CDH19: variants seen among roughly 807,000 people sequenced by gnomAD.
CDH19 encodes the protein cadherin-19.
CDH19 carries 67 observed loss-of-function variants against 64.2 expected under a neutral mutation model. The ratio of observed to expected loss-of-function variants is 1.04; its 90% CI spans 0.86 to 1.28. The LOEUF (loss-of-function observed/expected upper bound fraction) is 1.28. Among genes scored for constraint, CDH19 ranks in the 50% most tolerant of loss-of-function variants. CDH19 has a pLI of 0.00. For synonymous variants in CDH19, 346 were observed against 319.3 expected (o/e 1.08, Z -0.89); for missense variants, 1,030 against 929.0 (o/e 1.11, Z -1.41).
chr18:66,514,562 G>A (rs1985648600), intron 9 of CDH19, among the ~76,000 whole-genome samples: 1 of 151,118 alleles, frequency 6.6e-6, no homozygotes, highest in Admixed American at 6.6e-5. Flanking sequence ...TCATACATTA[G>A]GTATAAATGT....
At chr18:66,568,315 C>T in intron 3 of CDH19, 101 bp downstream of exon 3, 1 of 863,100 alleles carries the variant, frequency 1.2e-6, no homozygotes, top group Non-Finnish European at 1.8e-6. Context: ...GAAGGAAGTT[C>T]TAGTATAGAC....
intron 7 of CDH19, 84 bp downstream of exon 7, chr18:66,543,887 A>G: frequency 1.0e-6 from 1 of 1,004,186 alleles, no homozygotes; most frequent in Non-Finnish European, 1.4e-6. Flanking sequence ...CCTCTCAATT[A>G]AAAAAAAGAT....
chr18:66,558,995 C>G (rs1359145121), intron 3 of CDH19, among the ~76,000 whole-genome samples: 1 of 151,940 alleles, frequency 6.6e-6, no homozygotes, highest in Non-Finnish European at 1.5e-5. Flanking sequence ...TTATTGTTTA[C>G]TGTCAGAATC....
intron 9 of CDH19, among the ~76,000 whole-genome samples, chr18:66,514,366 T>A (rs896471598): frequency 6.6e-6 from 1 of 151,486 alleles, no homozygotes; most frequent in Admixed American, 6.6e-5. Flanking sequence ...TATAATTTTG[T>A]AGAATAAGGA....
At chr18:66,511,845 T>C (rs1985507517) in intron 9 of CDH19, among the ~76,000 whole-genome samples, 160 bp from the exon 10 acceptor site, 1 of 151,494 alleles carries the variant, frequency 6.6e-6, no homozygotes, top group African/African-American at 2.4e-5. Context: ...AAATGTTTTT[T>C]CTCAGGTTAA....
intron 9 of CDH19, among the ~76,000 whole-genome samples, chr18:66,528,340 GT>G (rs1356758650): frequency 6.6e-6 from 1 of 152,012 alleles, no homozygotes; most frequent in Admixed American, 6.6e-5. Flanking sequence ...CGTTCATTCT[GT>G]TTTTGTGATC....
intron 10 of CDH19, among the ~76,000 whole-genome samples, chr18:66,509,542 A>C (rs1336670145): frequency 6.6e-6 from 1 of 151,810 alleles, no homozygotes; most frequent in East Asian, 1.9e-4. Context: ...AAGTATTTAT[A>C]TTATTATTGA....
In CDH19 at chr18:66,597,162, T is replaced by TAAAAAAAAA. The variant is rs71169160; in HGVS notation, c.-113+6783_-113+6791dup. On this transcript the variant is annotated intron_variant, in intron 1 of 11. Coordinates refer to ENST00000262150, the MANE Select transcript of CDH19 (RefSeq NM_021153.4). The stretch of plus-strand genomic sequence containing the variant: ...CCAAAGAGCCAAAGCAATCTTAAGT[T>TAAAAAAAAA]AAAAAAAAAAAAAAAAAGCTGGAAG... Among the ~76,000 whole-genome samples the TAAAAAAAAA allele has an allele frequency of 2.0e-4, 17 of 86,290 alleles. 1 individual carries two copies. Among genetic ancestry groups the TAAAAAAAAA allele is most frequent in the Non-Finnish European group, 3.0e-4 (12 of 39,626 alleles). The allele number at this position is 86,290 out of a possible 152,430, so 56.6% of individuals were successfully genotyped here.
intron 5 of CDH19, among the ~76,000 whole-genome samples, chr18:66,546,131 C>T (rs952440978): frequency 9.9e-5 from 15 of 151,980 alleles, no homozygotes; most frequent in African/African-American, 3.6e-4. Flanking sequence ...AAAAGAAGCA[C>T]ATATAATAAA....
intron 2 of CDH19, among the ~76,000 whole-genome samples, chr18:66,571,290 A>G (rs1988094197): frequency 1.3e-5 from 2 of 151,608 alleles, no homozygotes; most frequent in Non-Finnish European, 2.9e-5. Context: ...GAGAGTTAAT[A>G]AATTTTGAGT....
chr18:66,540,975 T>C (rs1489674591), intron 7 of CDH19, among the ~76,000 whole-genome samples: 1 of 152,288 alleles, frequency 6.6e-6, no homozygotes, highest in African/African-American at 2.4e-5. Flanking sequence ...CAAGGCTCCT[T>C]AAAACAATTC....
At chr18:66,562,652 A>C (rs2144551794) in intron 3 of CDH19, among the ~76,000 whole-genome samples, 1 of 152,150 alleles carries the variant, frequency 6.6e-6, no homozygotes, top group African/African-American at 2.4e-5. Context: ...GGAAAACGTT[A>C]GTTTGGTCAT....
intron 5 of CDH19, among the ~76,000 whole-genome samples, chr18:66,547,332 ATG>A (rs1987153187): frequency 6.6e-6 from 1 of 151,772 alleles, no homozygotes; most frequent in Non-Finnish European, 1.5e-5. Context: ...GTGTGTGTGT[ATG>A]TGTGTGTGCG....
intron 1 of CDH19, among the ~76,000 whole-genome samples, chr18:66,588,019 A>C (rs1988626440): frequency 6.6e-6 from 1 of 152,160 alleles, no homozygotes; most frequent in Non-Finnish European, 1.5e-5. Flanking sequence ...GTTGAATTTC[A>C]TTTCAGTGTA....
At chr18:66,539,242 T>C (rs1986793798) in intron 7 of CDH19, among the ~76,000 whole-genome samples, 1 of 152,184 alleles carries the variant, frequency 6.6e-6, no homozygotes, top group African/African-American at 2.4e-5. Context: ...ATATTATTTC[T>C]CTCCAGCTTG....
At chr18:66,553,775 T>C (rs1987420010) in intron 4 of CDH19, among the ~76,000 whole-genome samples, 2 of 134,426 alleles carry the variant, frequency 1.5e-5, no homozygotes, top group African/African-American at 3.4e-5. Flanking sequence ...TAGGGTCATA[T>C]GATTGTTTAA....
At chr18:66,521,020 T>C (rs959762084) in intron 9 of CDH19, among the ~76,000 whole-genome samples, 4 of 152,052 alleles carry the variant, frequency 2.6e-5, no homozygotes, top group Non-Finnish European at 5.9e-5. Context: ...TTGGTTATTA[T>C]TCTTAAATAA....
intron 2 of CDH19, among the ~76,000 whole-genome samples, chr18:66,571,100 G>GT (rs373034792): frequency 4.5e-4 from 68 of 150,904 alleles, no homozygotes; most frequent in Non-Finnish European, 8.4e-4. Context: ...GTGTGTATGC[G>GT]TGTGTGTGTG....
At chr18:66,598,971 C>T (rs932248346) in intron 1 of CDH19, among the ~76,000 whole-genome samples, 1 of 151,828 alleles carries the variant, frequency 6.6e-6, no homozygotes, top group Admixed American at 6.6e-5. Flanking sequence ...AATTCAATCT[C>T]AAGATAAGAA....
Sources: allele counts gnomAD v4.1 joint callset (sites outside exome capture counted in the v4.1 genomes callset), GRCh38; gene constraint gnomAD v4.1.1; transcripts MANE v1.5; gene names NCBI Gene and HGNC (gene_info 2026-07-23, HGNC 2026-07-21).